The following FCHSD2 variants were observed in gnomAD, a reference collection of about 807,000 sequenced individuals.
FCHSD2 encodes the protein FCH and double SH3 domains 2.
A neutral mutation model predicts 108.1 loss-of-function variants in FCHSD2; 38 were observed. That is an observed-to-expected ratio of 0.35 (90% CI 0.27 to 0.46). The LOEUF (loss-of-function observed/expected upper bound fraction) is 0.46, where lower values mean the gene tolerates loss of function less well. Ranked by LOEUF, FCHSD2 falls within the 20% of genes least tolerant of loss-of-function variation. The pLI, the probability that FCHSD2 is intolerant of heterozygous loss-of-function variation, is 1.00. For synonymous variants in FCHSD2, 279 were observed against 314.7 expected (o/e 0.89, Z 1.20); for missense variants, 751 against 897.8 (o/e 0.84, Z 2.09).
At chr11:73,052,751 T>A (rs942868725) in intron 3 of FCHSD2, among the ~76,000 whole-genome samples, 1 of 152,192 alleles carries the variant, frequency 6.6e-6, no homozygotes, top group Non-Finnish European at 1.5e-5. Flanking sequence ...GGGATACAAG[T>A]ATTTCTCAAT....
intron 3 of FCHSD2, among the ~76,000 whole-genome samples, chr11:73,075,481 A>T (rs1859527955): frequency 6.6e-6 from 1 of 152,246 alleles, no homozygotes; most frequent in Non-Finnish European, 1.5e-5. Context: ...GCATTGCAAA[A>T]CGAGAATGCA....
chr11:72,842,285 A>T (rs2135153565), intron 17 of FCHSD2, among the ~76,000 whole-genome samples: 1 of 152,362 alleles, frequency 6.6e-6, no homozygotes, highest in Admixed American at 6.5e-5. Context: ...TTTACTACGT[A>T]AATTAACCAC....
chr11:73,094,575 C>T (rs1413974069), intron 2 of FCHSD2, among the ~76,000 whole-genome samples: 3 of 152,070 alleles, frequency 2.0e-5, no homozygotes, highest in African/African-American at 7.2e-5. Flanking sequence ...AGCTCAGTAA[C>T]AAAAACAAAT....
At chr11:72,931,409 A>C (rs1461572784) in intron 8 of FCHSD2, among the ~76,000 whole-genome samples, 3 of 148,950 alleles carry the variant, frequency 2.0e-5, no homozygotes, top group Non-Finnish European at 3.0e-5. Context: ...GCCCAGCCTT[A>C]AATTTTTTTT....
chr11:72,893,295 G>A (rs560004633), intron 10 of FCHSD2, among the ~76,000 whole-genome samples: 25 of 152,040 alleles, frequency 1.6e-4, no homozygotes, highest in African/African-American at 5.5e-4. Context: ...GAGCCTCCAC[G>A]CCTGGCCTAG....
intron 5 of FCHSD2, among the ~76,000 whole-genome samples, chr11:72,992,506 T>A (rs995465651): frequency 5.9e-5 from 9 of 152,238 alleles, no homozygotes; most frequent in Middle Eastern, 6.8e-3. Context: ...GACTTCAAAC[T>A]ATACTACAAG....
intron 9 of FCHSD2, among the ~76,000 whole-genome samples, chr11:72,908,472 C>A (rs536248653): frequency 1.3e-5 from 2 of 152,148 alleles, no homozygotes; most frequent in African/African-American, 4.8e-5. Context: ...TTTTCCATAG[C>A]GGTTGTACTA....
At chr11:72,883,128 A>G (rs1015486708) in intron 12 of FCHSD2, among the ~76,000 whole-genome samples, 1 of 152,222 alleles carries the variant, frequency 6.6e-6, no homozygotes, top group Non-Finnish European at 1.5e-5. Flanking sequence ...AACAACAACA[A>G]AAAAACCAAA....
intron 14 of FCHSD2, among the ~76,000 whole-genome samples, chr11:72,848,840 T>C (rs1357344674): frequency 2.0e-5 from 3 of 152,192 alleles, no homozygotes; most frequent in Non-Finnish European, 2.9e-5. Context: ...CAGGAAACAA[T>C]TCCAATGCTA....
At chr11:72,979,710 C>T (rs1007033540) in intron 8 of FCHSD2, among the ~76,000 whole-genome samples, 7 of 152,038 alleles carry the variant, frequency 4.6e-5, no homozygotes, top group Non-Finnish European at 1.0e-4. Context: ...TGCCCACTTT[C>T]GCAAGAAGGT....
intron 8 of FCHSD2, among the ~76,000 whole-genome samples, chr11:72,926,401 A>T (rs746059344): frequency 1.3e-5 from 2 of 152,074 alleles, no homozygotes; most frequent in Non-Finnish European, 2.9e-5. Flanking sequence ...TGCAGAGAGG[A>T]GTATTCTCTC....
intron 8 of FCHSD2, among the ~76,000 whole-genome samples, chr11:72,923,763 A>T (rs1856019811): frequency 6.6e-6 from 1 of 152,092 alleles, no homozygotes; most frequent in African/African-American, 2.4e-5. Flanking sequence ...AAAATGGTGA[A>T]ACCCCGTCTC....
chr11:72,893,278 C>T (rs1398644031), intron 10 of FCHSD2, among the ~76,000 whole-genome samples: 1 of 151,502 alleles, frequency 6.6e-6, no homozygotes, highest in African/African-American at 2.4e-5. Flanking sequence ...GCTGGGATTA[C>T]AAGCATGAGC....
At chr11:72,943,567 G>A (rs1428268432) in intron 8 of FCHSD2, among the ~76,000 whole-genome samples, 1 of 152,168 alleles carries the variant, frequency 6.6e-6, no homozygotes, top group East Asian at 1.9e-4. Context: ...GAGAATGACA[G>A]GTGAGACGGA....
chr11:73,068,813 TAAA>T (rs1237723120), intron 3 of FCHSD2, among the ~76,000 whole-genome samples: 1 of 83,048 alleles, frequency 1.2e-5, no homozygotes, highest in Non-Finnish European at 2.2e-5. Flanking sequence ...CTACAAAAAG[TAAA>T]AAAAAAAAAA....
intron 3 of FCHSD2, among the ~76,000 whole-genome samples, chr11:73,028,252 C>T (rs11822441): frequency 0.019 from 2,894 of 152,316 alleles, 92 homozygotes; most frequent in African/African-American, 0.066. Context: ...GCCACAAGGA[C>T]AGAGATGCTT....
chr11:72,978,316 AG>A (rs1259077991), intron 8 of FCHSD2, among the ~76,000 whole-genome samples: 3 of 152,328 alleles, frequency 2.0e-5, no homozygotes, highest in Middle Eastern at 3.4e-3. Context: ...TAATAAAAAA[AG>A]AAAAATAAAT....
At chr11:73,034,756 A>G (rs2135455436) in intron 3 of FCHSD2, among the ~76,000 whole-genome samples, 1 of 152,354 alleles carries the variant, frequency 6.6e-6, no homozygotes, top group Non-Finnish European at 1.5e-5. Flanking sequence ...AAGTAAATAG[A>G]GCATTGCAAT....
At chr11:73,095,350 C>T (rs1254595415) in intron 2 of FCHSD2, among the ~76,000 whole-genome samples, 1 of 152,132 alleles carries the variant, frequency 6.6e-6, no homozygotes, top group East Asian at 1.9e-4. Context: ...CATTCCACAG[C>T]TTATAAATAT....
Sources: allele counts gnomAD v4.1 joint callset (sites outside exome capture counted in the v4.1 genomes callset), GRCh38; gene constraint gnomAD v4.1.1; transcripts MANE v1.5; gene names NCBI Gene and HGNC (gene_info 2026-07-23, HGNC 2026-07-21).